PHLPP1: variants seen among roughly 807,000 people sequenced by gnomAD.
The protein encoded by PHLPP1 is PH domain and leucine rich repeat protein phosphatase 1.
A neutral mutation model predicts 117.2 loss-of-function variants in PHLPP1; 42 were observed. That is an observed-to-expected ratio of 0.36 (90% CI 0.28 to 0.46). PHLPP1 has a LOEUF of 0.46. Among genes scored for constraint, PHLPP1 ranks in the 20% least tolerant of loss-of-function variants. The probability of loss-of-function intolerance (pLI) is 1.00; values close to 1 mark genes in which losing one functional copy is unlikely to be tolerated. For synonymous variants in PHLPP1, 1,042 were observed against 970.7 expected, an observed-to-expected ratio of 1.07 and a Z score of -1.37; for missense variants, 2,084 against 2,241.9, an observed-to-expected ratio of 0.93 and a Z score of 1.42.
intron 1 of PHLPP1, among the ~76,000 whole-genome samples, chr18:62,747,250 A>G (rs1911703059): frequency 7.0e-6 from 1 of 142,100 alleles, no homozygotes; most frequent in African/African-American, 2.6e-5. Flanking sequence ...TGCTTAGCTT[A>G]CTAATTTTTA....
At chr18:62,965,333 A>G (rs1318215331) in intron 14 of PHLPP1, among the ~76,000 whole-genome samples, 1 of 151,716 alleles carries the variant, frequency 6.6e-6, no homozygotes, top group Non-Finnish European at 1.5e-5. Context: ...ATCTCAATAG[A>G]CATCTATTCT....
intron 1 of PHLPP1, among the ~76,000 whole-genome samples, chr18:62,775,401 C>T (rs1341548318): frequency 6.6e-6 from 1 of 152,170 alleles, no homozygotes; most frequent in Admixed American, 6.5e-5. Flanking sequence ...GCCCAGCCCA[C>T]TAATAAGACA....
intron 12 of PHLPP1, among the ~76,000 whole-genome samples, chr18:62,955,483 G>A (rs1175963591): frequency 3.9e-5 from 6 of 152,158 alleles, no homozygotes; most frequent in Admixed American, 3.9e-4. Context: ...GGGGAAATGG[G>A]ATGCAGGTCA....
intron 8 of PHLPP1, among the ~76,000 whole-genome samples, chr18:62,913,938 G>T (rs538047462): frequency 6.6e-6 from 1 of 151,826 alleles, no homozygotes; most frequent in Non-Finnish European, 1.5e-5. Context: ...TAGAGACAGG[G>T]TTTCACCATG....
At chr18:62,916,521 T>G (rs1909280297) in intron 9 of PHLPP1, among the ~76,000 whole-genome samples, 1 of 151,780 alleles carries the variant, frequency 6.6e-6, no homozygotes, top group African/African-American at 2.4e-5. Flanking sequence ...TACGATCCAT[T>G]TGAAAGTGCT....
At chr18:62,761,672 A>G (rs928193699) in intron 1 of PHLPP1, among the ~76,000 whole-genome samples, 1 of 151,750 alleles carries the variant, frequency 6.6e-6, no homozygotes, top group African/African-American at 2.4e-5. Flanking sequence ...AAAAATAAAA[A>G]AAAAAAGAAA....
intron 4 of PHLPP1, among the ~76,000 whole-genome samples, chr18:62,870,782 A>C: frequency 6.6e-6 from 1 of 152,346 alleles, no homozygotes; most frequent in East Asian, 1.9e-4. Context: ...TTGCACCAAC[A>C]TTCTAAATCT....
intron 1 of PHLPP1, among the ~76,000 whole-genome samples, chr18:62,747,735 G>T (rs1911721245): frequency 6.6e-6 from 1 of 152,108 alleles, no homozygotes; most frequent in African/African-American, 2.4e-5. Context: ...GCCTAAGCTG[G>T]TTTTGAACTC....
chr18:62,759,646 G>A (rs1394496924), intron 1 of PHLPP1, among the ~76,000 whole-genome samples: 1 of 152,114 alleles, frequency 6.6e-6, no homozygotes, highest in African/African-American at 2.4e-5. Context: ...TAAAATTAAG[G>A]ACTAATAACG....
At position 62,952,807 on chromosome 18, in the gene PHLPP1, G is replaced by A. The variant is rs999873473; in HGVS notation, c.3325-5822G>A. On this transcript the variant is annotated intron_variant, in intron 12 of 16. Transcript: ENST00000262719. ...CTGGCTAATTTCTTAAAATTTATGC[G>A]GAGATGGTCTTGCTATATTACCCAG... is the stretch of plus-strand genomic sequence containing the variant. Among the ~76,000 whole-genome samples the A allele has an allele frequency of 5.3e-5, 8 of 152,062 alleles. No individual in the cohort carries two copies. The East Asian group carries it at 1.5e-3, about 29-fold the overall frequency.
intron 4 of PHLPP1, among the ~76,000 whole-genome samples, chr18:62,879,331 A>C (rs921228840): frequency 6.6e-6 from 1 of 152,148 alleles, no homozygotes; most frequent in Non-Finnish European, 1.5e-5. Flanking sequence ...GCATCTTGAA[A>C]TTGGACTTCC....
intron 3 of PHLPP1, among the ~76,000 whole-genome samples, chr18:62,840,794 C>A (rs1479647629): frequency 6.6e-6 from 1 of 152,156 alleles, no homozygotes; most frequent in African/African-American, 2.4e-5. Context: ...GTTTCCCAAC[C>A]CCCTCACTCA....
chr18:62,828,186 C>G (rs936588245), intron 1 of PHLPP1, among the ~76,000 whole-genome samples: 1 of 152,094 alleles, frequency 6.6e-6, no homozygotes, highest in African/African-American at 2.4e-5. Context: ...TCTCTTACTT[C>G]TTCCCCACAG....
chr18:62,940,465 C>G (rs1599132607), intron 10 of PHLPP1, among the ~76,000 whole-genome samples: 1 of 147,008 alleles, frequency 6.8e-6, no homozygotes, highest in South Asian at 2.2e-4. Flanking sequence ...CCTGGGTTCA[C>G]GCCATTCTCC....
chr18:62,771,635 A>G (rs944218795), intron 1 of PHLPP1, among the ~76,000 whole-genome samples: 4 of 152,346 alleles, frequency 2.6e-5, no homozygotes, highest in African/African-American at 9.6e-5. Flanking sequence ...CATCAGAAGC[A>G]GTTGAGGGAC....
rs4941150 is a variant in PHLPP1, at chr18:62,737,729, T to C, written c.1576+20470T>C. The stretch of plus-strand genomic sequence containing the variant: ...TTGTGATAGGGTCGGTGGGAGATGC[T>C]TTTGAGGATTAGGAAGAGTAGACCA... On this transcript the variant is annotated intron_variant, in intron 1 of 16. Transcript: ENST00000262719. Among the ~76,000 whole-genome samples the C allele has an allele frequency of 5.0e-3, 764 of 152,012 alleles. 20 individuals carry two copies. Among genetic ancestry groups the C allele is most frequent in the Admixed American group, 0.038 (578 of 15,260 alleles).
At chr18:62,851,990 C>T (rs1915364842) in intron 3 of PHLPP1, among the ~76,000 whole-genome samples, 1 of 152,004 alleles carries the variant, frequency 6.6e-6, no homozygotes, top group South Asian at 2.1e-4. Context: ...ATTCCTCCCA[C>T]CTCAGCCTCC....
At chr18:62,919,351 A>AT (rs1296071363) in intron 9 of PHLPP1, among the ~76,000 whole-genome samples, 4 of 152,342 alleles carry the variant, frequency 2.6e-5, no homozygotes, top group Admixed American at 1.3e-4. Context: ...AAAACAGTGG[A>AT]TTAAGTACAT....
At chr18:62,899,009 A>G (rs1464956575) in intron 6 of PHLPP1, among the ~76,000 whole-genome samples, 1 of 152,010 alleles carries the variant, frequency 6.6e-6, no homozygotes, top group Admixed American at 6.6e-5. Context: ...CATGTTGGCC[A>G]GGTTGGTCTC....
Sources: gnomAD v4.1 joint callset for allele counts (sites outside exome capture counted in the v4.1 genomes callset) on GRCh38, gnomAD v4.1.1 for gene constraint, MANE v1.5 for transcripts, NCBI Gene and HGNC (gene_info 2026-07-23, HGNC 2026-07-21) for gene names.